BBS9: variants seen among roughly 807,000 people sequenced by gnomAD.
The protein encoded by BBS9 is Bardet-Biedl syndrome 9.
Under a neutral mutation model 117.7 loss-of-function variants are expected in BBS9, and 89 were observed. The observed-to-expected ratio is 0.76, with a 90% CI of 0.64 to 0.90. The LOEUF (loss-of-function observed/expected upper bound fraction) is 0.90. Ranked by LOEUF, BBS9 falls within the 40% of genes least tolerant of loss-of-function variation. The pLI is 0.00. For missense variants in BBS9, 982 were observed against 1,042.2 expected (o/e 0.94, Z 0.80); for synonymous variants, 379 against 370.9 (o/e 1.02, Z -0.25).
chr7:33,224,776 T>G (rs895897611), intron 5 of BBS9, among the ~76,000 whole-genome samples: 3 of 152,178 alleles, frequency 2.0e-5, no homozygotes, highest in African/African-American at 7.2e-5. Flanking sequence ...ACTGGTCAGG[T>G]TCAGGTTTGA....
chr7:33,397,468 GT>G (rs1828178117), intron 19 of BBS9, among the ~76,000 whole-genome samples: 2 of 152,070 alleles, frequency 1.3e-5, no homozygotes, highest in African/African-American at 4.8e-5. Flanking sequence ...CCATTACTGA[GT>G]ATATACCCAA....
intron 5 of BBS9, among the ~76,000 whole-genome samples, chr7:33,221,210 CTTTA>C (rs1474535412): frequency 1.3e-5 from 2 of 152,040 alleles, no homozygotes; most frequent in East Asian, 3.9e-4. Context: ...TTATGTAATG[CTTTA>C]TTTTAGTATT....
chr7:33,495,782 T>C (rs1844623467), intron 19 of BBS9, among the ~76,000 whole-genome samples: 1 of 152,204 alleles, frequency 6.6e-6, no homozygotes, highest in South Asian at 2.1e-4. Context: ...AGCCAAGCAT[T>C]GGAGTTCGTT....
intron 21 of BBS9, among the ~76,000 whole-genome samples, chr7:33,563,697 C>T (rs1856435989): frequency 6.6e-6 from 1 of 152,154 alleles, no homozygotes; most frequent in Non-Finnish European, 1.5e-5. Flanking sequence ...TAACTCAATC[C>T]TCTATTCCTG....
chr7:33,350,101 A>G (rs1268329358), intron 13 of BBS9, among the ~76,000 whole-genome samples: 2 of 152,226 alleles, frequency 1.3e-5, no homozygotes, highest in African/African-American at 4.8e-5. Context: ...AACCATTTAT[A>G]TCCAAATTGT....
intron 9 of BBS9, among the ~76,000 whole-genome samples, chr7:33,303,518 CCCCT>C (rs1222799629): frequency 2.6e-5 from 1 of 38,978 alleles, no homozygotes; most frequent in African/African-American, 1.2e-4. Flanking sequence ...CTGAAATGAT[CCCCT>C]CCCCCCGCCC....
chr7:33,564,625 G>A (rs1280693414), intron 21 of BBS9, among the ~76,000 whole-genome samples: 1 of 152,134 alleles, frequency 6.6e-6, no homozygotes, highest in Non-Finnish European at 1.5e-5. Flanking sequence ...TGCGTCAGAT[G>A]TTCTGAAACT....
At chr7:33,265,306 G>A (rs1798625765) in intron 7 of BBS9, among the ~76,000 whole-genome samples, 1 of 152,120 alleles carries the variant, frequency 6.6e-6, no homozygotes. Flanking sequence ...CTTGGAAAGA[G>A]TCAAGAATCA....
intron 9 of BBS9, among the ~76,000 whole-genome samples, chr7:33,319,833 A>G (rs1811317418): frequency 6.6e-6 from 1 of 152,246 alleles, no homozygotes; most frequent in Non-Finnish European, 1.5e-5. Context: ...AATATCCAGA[A>G]TTTACAAGGA....
intron 19 of BBS9, among the ~76,000 whole-genome samples, chr7:33,402,537 T>C (rs1829083685): frequency 6.6e-6 from 1 of 152,190 alleles, no homozygotes; most frequent in South Asian, 2.1e-4. Context: ...TACAAGAAAC[T>C]ACTAATCTAC....
chr7:33,402,970 GTT>G (rs1829185730), intron 19 of BBS9, among the ~76,000 whole-genome samples: 2 of 152,146 alleles, frequency 1.3e-5, no homozygotes, highest in East Asian at 3.9e-4. Flanking sequence ...GTTTGTGTGA[GTT>G]AAGTATAATG....
At chr7:33,291,273 T>G (rs555176849) in intron 9 of BBS9, among the ~76,000 whole-genome samples, 1 of 152,178 alleles carries the variant, frequency 6.6e-6, no homozygotes, top group Non-Finnish European at 1.5e-5. Context: ...ATTTCTTTAT[T>G]CCTTAGTTAG....
chr7:33,377,208 G>C (rs1339594213), intron 17 of BBS9, among the ~76,000 whole-genome samples: 1 of 152,140 alleles, frequency 6.6e-6, no homozygotes, highest in Non-Finnish European at 1.5e-5. Context: ...AACCCATCTT[G>C]AGTTGATTTT....
intron 9 of BBS9, among the ~76,000 whole-genome samples, chr7:33,274,944 G>A (rs960534815): frequency 7.2e-5 from 10 of 139,120 alleles, no homozygotes; most frequent in East Asian, 2.1e-4. Flanking sequence ...GCAGTGAGCC[G>A]AGATCACACC....
intron 19 of BBS9, among the ~76,000 whole-genome samples, chr7:33,392,589 T>C (rs973269178): frequency 2.6e-5 from 4 of 152,214 alleles, no homozygotes; most frequent in Non-Finnish European, 5.9e-5. Context: ...TGCCTCTTTG[T>C]TGAAGGAGTG....
At chr7:33,380,881 G>A (rs1279621041) in intron 17 of BBS9, 1 of 152,180 alleles carries the variant, frequency 6.6e-6, no homozygotes, top group South Asian at 2.1e-4. Flanking sequence ...CCCCCTAGAA[G>A]CCTAGGGTGT....
intron 19 of BBS9, among the ~76,000 whole-genome samples, chr7:33,454,155 A>T (rs934223341): frequency 6.6e-6 from 1 of 152,204 alleles, no homozygotes; most frequent in Non-Finnish European, 1.5e-5. Flanking sequence ...AGGCAATATC[A>T]TACATGGGCT....
At chr7:33,174,267 G>A (rs1196401716) in intron 4 of BBS9, among the ~76,000 whole-genome samples, 1 of 152,244 alleles carries the variant, frequency 6.6e-6, no homozygotes, top group East Asian at 1.9e-4. Flanking sequence ...AATAGGCCTA[G>A]TGGGTACCTC....
At chr7:33,579,337 T>G (rs550284296) in intron 21 of BBS9, among the ~76,000 whole-genome samples, 8 of 152,308 alleles carry the variant, frequency 5.3e-5, no homozygotes, top group East Asian at 1.9e-4. Flanking sequence ...TTGTCTTGTT[T>G]CCTAGTATTG....
Sources: allele counts gnomAD v4.1 joint callset (sites outside exome capture counted in the v4.1 genomes callset), GRCh38; gene constraint gnomAD v4.1.1; transcripts MANE v1.5; gene names NCBI Gene and HGNC (gene_info 2026-07-23, HGNC 2026-07-21).